Variants in PSD3 observed in about 807,000 individuals in gnomAD.
PSD3 encodes PH and SEC7 domain-containing protein 3.
Under a neutral mutation model 105.5 loss-of-function variants are expected in PSD3, and 49 were observed. The observed-to-expected ratio is 0.46, with a 90% CI of 0.37 to 0.59. The LOEUF (loss-of-function observed/expected upper bound fraction) is 0.59, where lower values mean the gene tolerates loss of function less well. PSD3 is among the 20% of genes least tolerant of loss of function. The probability of loss-of-function intolerance (pLI) is 0.00; values close to 1 mark genes in which losing one functional copy is unlikely to be tolerated. For synonymous variants in PSD3, 557 were observed against 457.8 expected (o/e 1.22, Z -2.77); for missense variants, 1,561 against 1,263.8 (o/e 1.24, Z -3.57).
At chr8:18,807,488 G>T (rs145510985) in intron 4 of PSD3, among the ~76,000 whole-genome samples, 1 of 152,224 alleles carries the variant, frequency 6.6e-6, no homozygotes, top group Non-Finnish European at 1.5e-5. Context: ...ATTCCCAGAT[G>T]ATACCATGGG....
chr8:18,579,096 C>CCACACACACACACACACAAACACA, intron 12 of PSD3, among the ~76,000 whole-genome samples: 1 of 143,648 alleles, frequency 7.0e-6, no homozygotes, highest in East Asian at 2.0e-4. Context: ...AGCTCCAAGT[C>CCACACACACACACACACAAACACA]CACACACACA....
intron 4 of PSD3, among the ~76,000 whole-genome samples, chr8:18,863,117 A>G (rs1037373193): frequency 6.6e-6 from 1 of 152,202 alleles, no homozygotes; most frequent in Non-Finnish European, 1.5e-5. Context: ...ATATATTCCA[A>G]AGAACCAAAA....
At chr8:18,623,923 GCTT>G (rs975890021) in intron 11 of PSD3, among the ~76,000 whole-genome samples, 2 of 151,996 alleles carry the variant, frequency 1.3e-5, no homozygotes, top group African/African-American at 4.8e-5. Context: ...TCTGCAAGCC[GCTT>G]TTTTTCATTC....
At chr8:18,588,246 G>C (rs1201323164) in intron 12 of PSD3, among the ~76,000 whole-genome samples, 1 of 152,126 alleles carries the variant, frequency 6.6e-6, no homozygotes, top group Non-Finnish European at 1.5e-5. Flanking sequence ...TAGTTTTACA[G>C]ATTAAGAAGA....
chr8:18,617,484 T>C (rs1268853864), intron 11 of PSD3, among the ~76,000 whole-genome samples: 1 of 152,270 alleles, frequency 6.6e-6, no homozygotes, highest in African/African-American at 2.4e-5. Flanking sequence ...TGAGCCGAGA[T>C]TGCACCATTG....
At chr8:18,733,278 A>C (rs1424243569) in intron 9 of PSD3, 1 of 152,232 alleles carries the variant, frequency 6.6e-6, no homozygotes, top group Non-Finnish European at 1.5e-5. Flanking sequence ...TCTACTTTTT[A>C]GGGTCATAAT....
In PSD3 at chr8:18,544,171, C is replaced by CAAAAAAAAAAAAAAAAA. The variant is rs201016537; in HGVS notation, c.2929-8230_2929-8214dup. 4.7e-5 allele frequency among the ~76,000 whole-genome samples: 5 copies of CAAAAAAAAAAAAAAAAA among 106,692 alleles called. 1 individual carries two copies. Among genetic ancestry groups the CAAAAAAAAAAAAAAAAA allele is most frequent in the East Asian group, 2.9e-4 (1 of 3,454 alleles). The allele number at this position is 106,692 out of a possible 152,430, so 70.0% of individuals were successfully genotyped here. On this transcript the variant is annotated intron_variant, in intron 15 of 15. Transcript: ENST00000327040. ...TACAATGGAAAACAAAGAAACAAACCAAAAAAAAAAAAAAAAAAAAAAAAA... is the reference window on the plus strand; with the variant it reads ...TACAATGGAAAACAAAGAAACAAACCAAAAAAAAAAAAAAAAAAAAAAAAAAAAAAAAAAAAAAAAAA...
chr8:18,751,060 G>C (rs950420504), intron 9 of PSD3, among the ~76,000 whole-genome samples: 1 of 152,140 alleles, frequency 6.6e-6, no homozygotes, highest in African/African-American at 2.4e-5. Flanking sequence ...CAGCCCTTGG[G>C]CAGTTGATGG....
chr8:18,787,371 A>G (rs1259739042), intron 8 of PSD3, among the ~76,000 whole-genome samples: 1 of 152,206 alleles, frequency 6.6e-6, no homozygotes, highest in Non-Finnish European at 1.5e-5. Flanking sequence ...GTACCTTGAA[A>G]TCAATATATT....
At position 18,872,105 on chromosome 8, in the gene PSD3, G is replaced by T; in HGVS notation, c.759C>A (p.Leu253=). Residue 253 remains leucine, a synonymous_variant, in exon 3 of 16, where the codon CTC becomes CTA. Coordinates refer to ENST00000327040, the MANE Select transcript of PSD3 (RefSeq NM_015310.4). ...AGTGGCAGGTCACTGCTGAGCTCCC[G>T]AGGGAGGCCAAAGGACAAGATGGCT... The part of the protein sequence containing the change: ...VQEPSCPLAS[L]GSSAVTCHSA... The T allele has an allele frequency of 6.2e-7, 1 of 1,614,088 alleles. No homozygotes were observed. The highest frequency in any genetic ancestry group is 8.5e-7 in the Non-Finnish European group (1 of 1,180,006).
At chr8:18,910,130 T>C (rs1820109540) in intron 2 of PSD3, among the ~76,000 whole-genome samples, 1 of 152,080 alleles carries the variant, frequency 6.6e-6, no homozygotes, top group Non-Finnish European at 1.5e-5. Flanking sequence ...CTCCATCCCA[T>C]TACTGGGTAT....
intron 11 of PSD3, among the ~76,000 whole-genome samples, chr8:18,627,871 G>A (rs1478220819): frequency 2.0e-5 from 3 of 151,212 alleles, no homozygotes; most frequent in African/African-American, 7.3e-5. Context: ...TTCCAGAAAC[G>A]ACAGAAAGGA....
chr8:18,959,119 C>G (rs59897010), intron 1 of PSD3, among the ~76,000 whole-genome samples: 1 of 151,910 alleles, frequency 6.6e-6, no homozygotes, highest in African/African-American at 2.4e-5. Context: ...CGGCATTTCA[C>G]CACGTTGGCC....
intron 9 of PSD3, among the ~76,000 whole-genome samples, chr8:18,706,815 C>A (rs765863572): frequency 1.3e-5 from 2 of 152,158 alleles, no homozygotes; most frequent in Non-Finnish European, 2.9e-5. Flanking sequence ...AGCTAAGCAA[C>A]CTTCTGAGTA....
chr8:18,786,777 T>C (rs377543923), intron 8 of PSD3: 1 of 152,230 alleles, frequency 6.6e-6, no homozygotes, highest in East Asian at 1.9e-4. Context: ...TCTCGAATGC[T>C]TGACTAGCTG....
intron 10 of PSD3, among the ~76,000 whole-genome samples, chr8:18,637,227 C>T (rs919420236): frequency 6.6e-6 from 1 of 152,160 alleles, no homozygotes; most frequent in Admixed American, 6.5e-5. Flanking sequence ...TATGGGTGAG[C>T]TCTTTTTTTC....
chr8:18,775,286 A>C (rs748236078), intron 8 of PSD3, among the ~76,000 whole-genome samples: 57 of 152,286 alleles, frequency 3.7e-4, no homozygotes, highest in Non-Finnish European at 5.6e-4. Flanking sequence ...GGTGAATTCC[A>C]TATCTTGGCT....
At chr8:18,684,104 A>C in intron 9 of PSD3, 1 of 543,438 alleles carries the variant, frequency 1.8e-6, no homozygotes, top group Non-Finnish European at 3.3e-6. Context: ...ATCTTCAACT[A>C]CCCTGTTTGC....
At chr8:18,669,187 G>C (rs17695667) in intron 9 of PSD3, among the ~76,000 whole-genome samples, 9,353 of 152,178 alleles carry the variant, frequency 0.061, 562 homozygotes, top group African/African-American at 0.15. Flanking sequence ...GCTGATATAT[G>C]AAGGGAAATT....
Sources: allele counts gnomAD v4.1 joint callset (sites outside exome capture counted in the v4.1 genomes callset), GRCh38; gene constraint gnomAD v4.1.1; transcripts MANE v1.5; gene names NCBI Gene and HGNC (gene_info 2026-07-23, HGNC 2026-07-21).